Variants in CDH10 observed in about 807,000 individuals in gnomAD.
CDH10 encodes cadherin 10.
A neutral mutation model predicts 73.1 loss-of-function variants in CDH10; 30 were observed. The observed-to-expected ratio is 0.41, with a 90% CI of 0.31 to 0.56. The LOEUF (loss-of-function observed/expected upper bound fraction) is 0.56. CDH10 is among the 20% of genes least tolerant of loss of function. The pLI is 0.27. For synonymous variants in CDH10, 345 were observed against 348.2 expected (o/e 0.99, Z 0.10); for missense variants, 815 against 973.7 (o/e 0.84, Z 2.17).
chr5:24,513,165 C>A (rs1742985054), intron 5 of CDH10, among the ~76,000 whole-genome samples: 1 of 151,828 alleles, frequency 6.6e-6, no homozygotes, highest in Non-Finnish European at 1.5e-5. Context: ...ACTATAGGCA[C>A]CTGCCACCAC....
intron 9 of CDH10, among the ~76,000 whole-genome samples, chr5:24,493,178 A>G (rs560503528): frequency 1.6e-4 from 25 of 152,018 alleles, no homozygotes; most frequent in African/African-American, 5.8e-4. Flanking sequence ...TTAGGGTTTT[A>G]TTAATTTAGA....
intron 5 of CDH10, among the ~76,000 whole-genome samples, chr5:24,524,760 T>C (rs1319799143): frequency 1.3e-5 from 2 of 151,992 alleles, no homozygotes; most frequent in Non-Finnish European, 2.9e-5. Flanking sequence ...AAAGTAAAAA[T>C]CTAGAAGGTA....
intron 1 of CDH10, among the ~76,000 whole-genome samples, chr5:24,640,977 C>T (rs1329504122): frequency 6.6e-6 from 1 of 151,796 alleles, no homozygotes; most frequent in African/African-American, 2.4e-5. Context: ...TTAAACAGGT[C>T]AGATTATTTC....
intron 2 of CDH10, among the ~76,000 whole-genome samples, chr5:24,587,555 T>C (rs7731496): frequency 0.056 from 8,597 of 152,216 alleles, 353 homozygotes; most frequent in African/African-American, 0.11. Flanking sequence ...ATAAATTATA[T>C]TGAGATACCT....
At chr5:24,573,196 G>A (rs1372501660) in intron 2 of CDH10, among the ~76,000 whole-genome samples, 1 of 151,694 alleles carries the variant, frequency 6.6e-6, no homozygotes, top group South Asian at 2.1e-4. Context: ...AATTTGAAGA[G>A]TTAAAAAATA....
intron 2 of CDH10, among the ~76,000 whole-genome samples, chr5:24,565,464 A>C (rs567867967): frequency 1.3e-5 from 2 of 152,318 alleles, no homozygotes; most frequent in African/African-American, 4.8e-5. Context: ...AAATCTCTAC[A>C]CTAAAATCTG....
In CDH10 at chr5:24,574,763, C is replaced by T. The variant is rs1339943883; in HGVS notation, c.231+18497G>A. On this transcript the variant is annotated intron_variant, in intron 2 of 11. Coordinates refer to ENST00000264463, the MANE Select transcript of CDH10 (RefSeq NM_006727.5). The stretch of plus-strand genomic sequence containing the variant: ...ACAATTAACTTCCGAACTAACATAA[C>T]AAAATAAAGACTTAGAGTTAATGGG... 7.8e-5 allele frequency among the ~76,000 whole-genome samples: 5 copies of T among 63,832 alleles called. 2 individuals carry two copies. The highest frequency in any genetic ancestry group is 3.0e-4 in the Non-Finnish European group (5 of 16,866). The allele number at this position is 63,832 out of a possible 152,430, so 41.9% of individuals were successfully genotyped here.
chr5:24,503,903 A>T (rs568010935), intron 8 of CDH10, among the ~76,000 whole-genome samples: 12 of 152,330 alleles, frequency 7.9e-5, no homozygotes, highest in African/African-American at 2.9e-4. Flanking sequence ...AGTAATATCT[A>T]CCTACAGGCT....
intron 2 of CDH10, among the ~76,000 whole-genome samples, chr5:24,539,122 C>T (rs2111903875): frequency 6.6e-6 from 1 of 151,974 alleles, no homozygotes; most frequent in Admixed American, 6.6e-5. Flanking sequence ...AGACATAAAT[C>T]AGAATAGGCA....
chr5:24,596,758 G>A (rs1426194842), intron 1 of CDH10, among the ~76,000 whole-genome samples: 1 of 151,872 alleles, frequency 6.6e-6, no homozygotes, highest in African/African-American at 2.4e-5. Context: ...GATTTGAAAC[G>A]TATTGAATTT....
At chr5:24,583,313 G>A (rs898054696) in intron 2 of CDH10, among the ~76,000 whole-genome samples, 4 of 151,300 alleles carry the variant, frequency 2.6e-5, no homozygotes, top group African/African-American at 9.7e-5. Flanking sequence ...CTTGGAATAT[G>A]TAACAAAAAA....
chr5:24,506,714 A>C (rs779771510), intron 7 of CDH10, among the ~76,000 whole-genome samples: 2 of 152,240 alleles, frequency 1.3e-5, no homozygotes, highest in African/African-American at 2.4e-5. Flanking sequence ...GTGATCCACA[A>C]ATATTTGTTA....
chr5:24,573,897 A>AT (rs993189068), intron 2 of CDH10, among the ~76,000 whole-genome samples: 17 of 148,808 alleles, frequency 1.1e-4, no homozygotes, highest in Admixed American at 2.7e-4. Context: ...AAATATATAT[A>AT]TTTTTGAGAC....
intron 2 of CDH10, among the ~76,000 whole-genome samples, chr5:24,555,069 C>A (rs1317705540): frequency 1.3e-5 from 2 of 151,852 alleles, no homozygotes; most frequent in African/African-American, 2.4e-5. Context: ...TCAAATAACT[C>A]TTTTTTATAA....
In CDH10 at chr5:24,537,233, T is replaced by G; in HGVS notation, c.526+147A>C. 5.4e-6 allele frequency: 3 copies of G among 553,632 alleles called. No homozygotes were observed. The South Asian group carries it at 8.6e-5, about 16-fold the overall frequency. The allele number at this position is 553,632 out of a possible 1,614,324, so 34.3% of individuals were successfully genotyped here. ...ATTGCATTGATCTTTTTTTTTCTGA[T>G]TGTCTCCTAAAAGAAAAAATAAATA... On this transcript the variant is annotated intron_variant, in intron 3 of 11. Transcript: ENST00000264463.
chr5:24,644,741 T>A lies in CDH10; in HGVS notation c.-271A>T, dbSNP rs1421177433. ...ATCTAACTCAAGCTCTTTCTCAGCATCACTTTTAACTCTGGACAGCAGGGA... is the reference window on the plus strand; with the variant it reads ...ATCTAACTCAAGCTCTTTCTCAGCAACACTTTTAACTCTGGACAGCAGGGA... On this transcript the variant is annotated 5_prime_UTR_variant, in exon 1 of 12. The change abolishes an upstream ATG in the 5' untranslated region. Coordinates refer to ENST00000264463, the MANE Select transcript of CDH10 (RefSeq NM_006727.5). 2 of 150,412 alleles carry A rather than the reference T, an allele frequency of 1.3e-5. No homozygotes were observed. Among genetic ancestry groups the A allele is most frequent in the Admixed American group, 1.3e-4 (2 of 14,958 alleles). The allele number at this position is 150,412 out of a possible 1,614,324, so 9.3% of individuals were successfully genotyped here.
intron 2 of CDH10, among the ~76,000 whole-genome samples, chr5:24,577,606 A>ACAC (rs1554022829): frequency 2.0e-5 from 3 of 151,798 alleles, no homozygotes; most frequent in Non-Finnish European, 4.4e-5. Context: ...TATAAGTCAA[A>ACAC]CATAATATTC....
intron 2 of CDH10, among the ~76,000 whole-genome samples, chr5:24,542,573 ATTCTACAATGTT>A (rs563960015): frequency 1.2e-4 from 19 of 152,306 alleles, no homozygotes; most frequent in Non-Finnish European, 2.6e-4. Context: ...GTGTGAGTAC[ATTCTACAATGTT>A]TGCACAATGA....
At position 24,487,237 on chromosome 5, in the gene CDH10, A is replaced by G. The variant is rs1002319239; in HGVS notation, c.*426T>C. The G allele has an allele frequency of 7.0e-5, 11 of 156,232 alleles. No individual in the cohort carries two copies. Among genetic ancestry groups the G allele is most frequent in the African/African-American group, 2.4e-4 (10 of 41,490 alleles). 9.7% of individuals were successfully genotyped at this position (156,232 alleles called of 1,614,324 possible). On this transcript the variant is annotated 3_prime_UTR_variant, in exon 12 of 12. Coordinates refer to ENST00000264463, the MANE Select transcript of CDH10 (RefSeq NM_006727.5). ...TGCATATCACACCTACTAACATCAC[A>G]TGTACATTTTTGTTTTTTTAATTTA...
Sources: allele counts gnomAD v4.1 joint callset (sites outside exome capture counted in the v4.1 genomes callset), GRCh38; gene constraint gnomAD v4.1.1; transcripts MANE v1.5; gene names NCBI Gene and HGNC (gene_info 2026-07-23, HGNC 2026-07-21).